Variants in PRKG1 observed in about 807,000 individuals in gnomAD.
The protein encoded by PRKG1 is protein kinase cGMP-dependent 1.
PRKG1 carries 35 observed loss-of-function variants against 88.1 expected under a neutral mutation model. The ratio of observed to expected loss-of-function variants is 0.40; its 90% CI spans 0.30 to 0.53. The LOEUF is 0.53. Ranked by LOEUF, PRKG1 falls within the 20% of genes least tolerant of loss-of-function variation. The pLI is 0.59. For missense variants in PRKG1, 540 were observed against 839.8 expected, an observed-to-expected ratio of 0.64 and a Z score of 4.41; for synonymous variants, 303 against 292.5, an observed-to-expected ratio of 1.04 and a Z score of -0.37.
chr10:52,153,249 CTT>C (rs1476505129), intron 8 of PRKG1, among the ~76,000 whole-genome samples: 1 of 152,114 alleles, frequency 6.6e-6, no homozygotes, highest in African/African-American at 2.4e-5. Flanking sequence ...AAATGCCACT[CTT>C]TTTTCCTATT....
intron 1 of PRKG1, among the ~76,000 whole-genome samples, chr10:51,078,660 A>G (rs1778112787): frequency 6.6e-6 from 1 of 151,086 alleles, no homozygotes; most frequent in Non-Finnish European, 1.5e-5. Flanking sequence ...TCTATCGCCC[A>G]GGCTGGAGTG....
chr10:51,730,503 T>C (rs186702117), intron 3 of PRKG1, among the ~76,000 whole-genome samples: 103 of 152,238 alleles, frequency 6.8e-4, no homozygotes, highest in African/African-American at 2.4e-3. Flanking sequence ...TTCTTTCTTT[T>C]CCCCCCTGGC....
At chr10:51,258,384 T>C (rs147177734) in intron 2 of PRKG1, among the ~76,000 whole-genome samples, 35 of 152,314 alleles carry the variant, frequency 2.3e-4, no homozygotes, top group African/African-American at 7.9e-4. Flanking sequence ...CCTAAATAAA[T>C]GATTTTCTTT....
intron 5 of PRKG1, chr10:52,046,615 T>C (rs1376842235): frequency 2.0e-5 from 3 of 152,136 alleles, no homozygotes; most frequent in African/African-American, 7.2e-5. Flanking sequence ...GAAAAGAACA[T>C]GGCATAGGGA....
At chr10:52,175,962 A>C (rs1838853419) in intron 9 of PRKG1, among the ~76,000 whole-genome samples, 1 of 151,914 alleles carries the variant, frequency 6.6e-6, no homozygotes, top group Middle Eastern at 3.2e-3. Context: ...CACTCTGTTG[A>C]TTATTTCCTT....
chr10:51,022,276 A>G (rs1329195949), intron 1 of PRKG1, among the ~76,000 whole-genome samples: 2 of 152,176 alleles, frequency 1.3e-5, no homozygotes, highest in African/African-American at 4.8e-5. Flanking sequence ...CTGTTGGATC[A>G]GCTGTTTCTA....
chr10:51,941,828 C>T (rs1842915966), intron 5 of PRKG1, among the ~76,000 whole-genome samples: 1 of 151,734 alleles, frequency 6.6e-6, no homozygotes, highest in African/African-American at 2.4e-5. Flanking sequence ...GTATATGTGC[C>T]ACATTTTCTT....
chr10:51,564,272 A>G (rs1837544691), intron 3 of PRKG1, among the ~76,000 whole-genome samples: 1 of 152,120 alleles, frequency 6.6e-6, no homozygotes, highest in Non-Finnish European at 1.5e-5. Context: ...TAATGGGAAA[A>G]AGCTAGACAA....
chr10:51,359,389 T>A (rs890188704), intron 2 of PRKG1, among the ~76,000 whole-genome samples: 2 of 151,810 alleles, frequency 1.3e-5, no homozygotes, highest in Non-Finnish European at 2.9e-5. Flanking sequence ...ATACATAGAT[T>A]ACCTGTATTC....
chr10:51,870,961 C>T (rs539282815), intron 4 of PRKG1, among the ~76,000 whole-genome samples: 1 of 152,152 alleles, frequency 6.6e-6, no homozygotes, highest in African/African-American at 2.4e-5. Flanking sequence ...TACCCCACCC[C>T]CTAGGCAAGC....
At position 52,086,834 on chromosome 10, in the gene PRKG1, G is replaced by A. The variant is rs908854629; in HGVS notation, c.935+24203G>A. 3.9e-5 allele frequency among the ~76,000 whole-genome samples: 6 copies of A among 152,082 alleles called. No individual in the cohort carries two copies. The South Asian group carries it at 8.3e-4, about 21-fold the overall frequency. ...TAAAGGAAAGATGTTTAATTGACTC[G>A]CAGTTCCGCAGGGCTGGGGAAACCT... On this transcript the variant is annotated intron_variant, in intron 7 of 17. Coordinates refer to ENST00000373980, the MANE Select transcript of PRKG1 (RefSeq NM_006258.4).
chr10:52,225,418 T>C (rs1260343033), intron 9 of PRKG1, among the ~76,000 whole-genome samples: 5 of 152,228 alleles, frequency 3.3e-5, no homozygotes, highest in Admixed American at 1.3e-4. Flanking sequence ...TTGAAGATTT[T>C]CTCCCACTCT....
intron 3 of PRKG1, among the ~76,000 whole-genome samples, chr10:51,567,946 G>T (rs115174052): frequency 0.069 from 10,499 of 152,032 alleles, 1,181 homozygotes; most frequent in African/African-American, 0.24. Context: ...TAAGTTTGAT[G>T]GAGAAAGGTA....
intron 2 of PRKG1, among the ~76,000 whole-genome samples, chr10:51,424,823 G>T (rs1170058638): frequency 1.3e-5 from 2 of 152,074 alleles, no homozygotes; most frequent in Non-Finnish European, 2.9e-5. Flanking sequence ...GTGAAGTCAA[G>T]AATTAATTCC....
intron 16 of PRKG1, 120 bp downstream of exon 16, chr10:52,289,113 T>A (rs1262181965): frequency 3.2e-6 from 3 of 931,180 alleles, no homozygotes; most frequent in Non-Finnish European, 4.9e-6. Flanking sequence ...AGACAGCGTA[T>A]AAACTAGTAA....
intron 3 of PRKG1, among the ~76,000 whole-genome samples, chr10:51,735,415 G>C (rs1837239099): frequency 6.6e-6 from 1 of 152,102 alleles, no homozygotes; most frequent in African/African-American, 2.4e-5. Context: ...CCTTTTGTGG[G>C]AAGAAATGGA....
At chr10:52,267,041 AAT>A (rs1841590231) in intron 10 of PRKG1, among the ~76,000 whole-genome samples, 1 of 150,652 alleles carries the variant, frequency 6.6e-6, no homozygotes, top group Non-Finnish European at 1.5e-5. Flanking sequence ...CTTGCTAAAA[AAT>A]CATCATCATC....
intron 2 of PRKG1, among the ~76,000 whole-genome samples, chr10:51,176,557 A>C (rs1248584909): frequency 2.0e-5 from 3 of 152,202 alleles, no homozygotes; most frequent in Admixed American, 6.5e-5. Flanking sequence ...CAAAGCAATA[A>C]ATAAGACAAT....
intron 2 of PRKG1, among the ~76,000 whole-genome samples, chr10:51,402,782 C>T (rs1837786889): frequency 6.6e-6 from 1 of 152,246 alleles, no homozygotes; most frequent in South Asian, 2.1e-4. Context: ...AGGAACTACT[C>T]TTTTGGGAGA....
Sources: allele counts gnomAD v4.1 joint callset (sites outside exome capture counted in the v4.1 genomes callset), GRCh38; gene constraint gnomAD v4.1.1; transcripts MANE v1.5; gene names NCBI Gene and HGNC (gene_info 2026-07-23, HGNC 2026-07-21).